Variants in BMP2K observed in about 807,000 individuals in gnomAD.
BMP2K encodes BMP2 inducible kinase, also known as BMP-2-inducible protein kinase.
In BMP2K, 74 loss-of-function variants were observed where a neutral mutation model predicts 116.0. The ratio of observed to expected loss-of-function variants is 0.64; its 90% CI spans 0.53 to 0.77. The LOEUF (loss-of-function observed/expected upper bound fraction) is 0.77. BMP2K is among the 30% of genes least tolerant of loss of function. The pLI is 0.00. For missense variants in BMP2K, 1,365 were observed against 1,403.6 expected, an observed-to-expected ratio of 0.97 and a Z score of 0.44; for synonymous variants, 486 against 502.5, an observed-to-expected ratio of 0.97 and a Z score of 0.44.
At chr4:78,791,639 A>C (rs1553912532) in intron 1 of BMP2K, among the ~76,000 whole-genome samples, 1 of 152,094 alleles carries the variant, frequency 6.6e-6, no homozygotes, top group Non-Finnish European at 1.5e-5. Context: ...GATAACCATG[A>C]TTTACTTTCC....
At chr4:78,896,142 TG>T (rs532957471) in intron 15 of BMP2K, among the ~76,000 whole-genome samples, 279 of 152,304 alleles carry the variant, frequency 1.8e-3, no homozygotes, top group African/African-American at 6.5e-3. Flanking sequence ...CTAACTTTTT[TG>T]CAGCCAAGAT....
At chr4:78,799,954 A>G (rs1248682817) in intron 1 of BMP2K, among the ~76,000 whole-genome samples, 2 of 152,202 alleles carry the variant, frequency 1.3e-5, no homozygotes, top group African/African-American at 4.8e-5. Context: ...TGGAATATTA[A>G]GTGCGGGGAA....
intron 4 of BMP2K, among the ~76,000 whole-genome samples, chr4:78,844,062 T>A (rs1730884395): frequency 6.6e-6 from 1 of 151,820 alleles, no homozygotes; most frequent in South Asian, 2.1e-4. Context: ...ATGAATTACT[T>A]ATCTAAGACT....
chr4:78,777,482 C>CA (rs1353697562), intron 1 of BMP2K, among the ~76,000 whole-genome samples: 2 of 151,972 alleles, frequency 1.3e-5, no homozygotes, highest in African/African-American at 4.8e-5. Flanking sequence ...AGTCTACTTA[C>CA]AAAAAAAGTT....
chr4:78,854,826 A>G (rs973660028), intron 7 of BMP2K, among the ~76,000 whole-genome samples: 1 of 152,024 alleles, frequency 6.6e-6, no homozygotes, highest in Non-Finnish European at 1.5e-5. Context: ...ATTTTCATGT[A>G]CCTCATGAAA....
chr4:78,846,745 G>T (rs187786600), intron 5 of BMP2K, among the ~76,000 whole-genome samples: 332 of 151,624 alleles, frequency 2.2e-3, no homozygotes, highest in African/African-American at 7.6e-3. Context: ...AAGGAAGTAC[G>T]TTAGAGTCCA....
chr4:78,780,760 G>T (rs1727466146), intron 1 of BMP2K, among the ~76,000 whole-genome samples: 1 of 152,136 alleles, frequency 6.6e-6, no homozygotes, highest in Non-Finnish European at 1.5e-5. Flanking sequence ...GTATTCTTCT[G>T]GCCTATGAAA....
chr4:78,830,030 A>T (rs929919515), intron 2 of BMP2K, among the ~76,000 whole-genome samples: 2 of 151,830 alleles, frequency 1.3e-5, no homozygotes, highest in African/African-American at 2.4e-5. Flanking sequence ...AGGTGCCACC[A>T]TACCTGGCTA....
At chr4:78,777,508 G>C (rs1727302536) in intron 1 of BMP2K, among the ~76,000 whole-genome samples, 1 of 152,214 alleles carries the variant, frequency 6.6e-6, no homozygotes, top group Admixed American at 6.5e-5. Context: ...CATTTTAAAA[G>C]AAGAACTTAG....
intron 13 of BMP2K, among the ~76,000 whole-genome samples, chr4:78,875,781 G>A (rs1732604005): frequency 6.6e-6 from 1 of 152,138 alleles, no homozygotes; most frequent in African/African-American, 2.4e-5. Flanking sequence ...CCTGCCACAT[G>A]GATTTCTTCA....
chr4:78,804,367 T>C (rs557757539), intron 1 of BMP2K, among the ~76,000 whole-genome samples: 15 of 152,370 alleles, frequency 9.8e-5, no homozygotes, highest in African/African-American at 3.6e-4. Context: ...ACATTTAGCT[T>C]GTTTTTGCTT....
chr4:78,886,726 T>G (rs1733111255), intron 14 of BMP2K, among the ~76,000 whole-genome samples: 1 of 152,136 alleles, frequency 6.6e-6, no homozygotes, highest in South Asian at 2.1e-4. Context: ...AACAAAAAAG[T>G]AAGATATAGT....
chr4:78,870,844 G>C lies in BMP2K; in HGVS notation c.1293G>C (p.Pro431=). Residue 431 remains proline (P), a synonymous_variant, in exon 11 of 16, where the codon CCG becomes CCC. Transcript: ENST00000502613. ...ILLGQGPPQQ[P]PQQHRVLQQL... is the part of the protein sequence containing the mutation. ...TGGGTCAGGGACCTCCTCAGCAGCCGCCACAGCAGCATAGAGTACTCCAGC... is the reference window on the plus strand; with the variant it reads ...TGGGTCAGGGACCTCCTCAGCAGCCCCCACAGCAGCATAGAGTACTCCAGC... 6.2e-7 allele frequency: 1 copy of C among 1,613,952 alleles called. No homozygotes were observed. The highest frequency in any genetic ancestry group is 2.2e-5 in the East Asian group (1 of 44,880).
At chr4:78,823,091 T>C (rs1035522125) in intron 1 of BMP2K, among the ~76,000 whole-genome samples, 1 of 152,176 alleles carries the variant, frequency 6.6e-6, no homozygotes, top group African/African-American at 2.4e-5. Context: ...TTACCATGTT[T>C]AGGTAGAATT....
chr4:78,912,008 C>T lies in BMP2K; in HGVS notation c.3461C>T (p.Ala1154Val). The change falls in exon 16 of 16, where the codon GCT (alanine) becomes GTT (valine). Residue 1154 changes from alanine (A) to valine (V), a missense_variant. This residue lies in a region of BMP2K where 596 missense variants were observed against 623.2 expected (regional missense o/e 0.96). Coordinates refer to ENST00000502613, the MANE Select transcript of BMP2K (RefSeq NM_198892.2). The part of the protein sequence containing the change: ...SQPVELDPFG[A>V]APFPSKQ Reference sequence around the variant, plus strand: ...CCAGTCGAATTAGACCCATTTGGTGCTGCTCCATTTCCTTCTAAACAGTAG... The same window carrying T: ...CCAGTCGAATTAGACCCATTTGGTGTTGCTCCATTTCCTTCTAAACAGTAG... 6.2e-7 allele frequency: 1 copy of T among 1,612,218 alleles called. No homozygotes were observed. Among genetic ancestry groups the T allele is most frequent in the Non-Finnish European group, 8.5e-7 (1 of 1,178,844 alleles).
chr4:78,843,011 T>C lies in BMP2K; in HGVS notation c.546+484T>C, dbSNP rs112923089. 1.8e-4 allele frequency among the ~76,000 whole-genome samples: 27 copies of C among 152,132 alleles called. 1 individual carries two copies. The highest frequency in any genetic ancestry group is 6.3e-4 in the African/African-American group (26 of 41,540). Reference sequence around the variant, plus strand: ...TTATTTTCTATAATTTGGTGGTAGTTATCTTGAAGGTCACTTCATCTTCTG... The same window carrying C: ...TTATTTTCTATAATTTGGTGGTAGTCATCTTGAAGGTCACTTCATCTTCTG... On this transcript the variant is annotated intron_variant, in intron 4 of 15. Transcript: ENST00000502613.
At chr4:78,830,164 G>A (rs773698639) in intron 2 of BMP2K, among the ~76,000 whole-genome samples, 6 of 152,084 alleles carry the variant, frequency 3.9e-5, no homozygotes, top group Non-Finnish European at 7.4e-5. Flanking sequence ...GGCAAGAGCC[G>A]CCACACCCAG....
intron 1 of BMP2K, among the ~76,000 whole-genome samples, chr4:78,810,216 C>T (rs1175391862): frequency 6.6e-6 from 1 of 152,170 alleles, no homozygotes; most frequent in Non-Finnish European, 1.5e-5. Context: ...TACTCCAATG[C>T]AGTTTATAGC....
intron 2 of BMP2K, among the ~76,000 whole-genome samples, chr4:78,827,181 TC>T (rs1729911787): frequency 6.6e-6 from 1 of 152,210 alleles, no homozygotes; most frequent in Non-Finnish European, 1.5e-5. Flanking sequence ...TACATTGTGT[TC>T]CTTGGTCTGA....
Sources: allele counts gnomAD v4.1 joint callset (sites outside exome capture counted in the v4.1 genomes callset), GRCh38; gene constraint gnomAD v4.1.1; regional missense constraint gnomAD v4.1.1; transcripts MANE v1.5; gene names NCBI Gene and HGNC (gene_info 2026-07-23, HGNC 2026-07-21).